The following COL11A1 variants were observed in gnomAD, a reference collection of about 807,000 sequenced individuals.
COL11A1 encodes collagen type XI alpha 1 chain.
In COL11A1, 74 loss-of-function variants were observed where a neutral mutation model predicts 265.2. That is an observed-to-expected ratio of 0.28 (90% CI 0.23 to 0.34). The LOEUF (loss-of-function observed/expected upper bound fraction) is 0.34, where lower values mean the gene tolerates loss of function less well. Ranked by LOEUF, COL11A1 falls within the 10% of genes least tolerant of loss-of-function variation. COL11A1 has a pLI of 1.00. For synonymous variants in COL11A1, 816 were observed against 727.6 expected, an observed-to-expected ratio of 1.12 and a Z score of -1.96; for missense variants, 2,165 against 2,263.6, an observed-to-expected ratio of 0.96 and a Z score of 0.88.
chr1:103,088,053 T>C (rs1195821960), intron 1 of COL11A1, among the ~76,000 whole-genome samples: 1 of 152,182 alleles, frequency 6.6e-6, no homozygotes, highest in African/African-American at 2.4e-5. Flanking sequence ...CTGATCAGTT[T>C]GATCCCAAGT....
At chr1:102,922,489 T>G (rs952260731) in intron 47 of COL11A1, among the ~76,000 whole-genome samples, 1 of 152,110 alleles carries the variant, frequency 6.6e-6, no homozygotes, top group Non-Finnish European at 1.5e-5. Flanking sequence ...CTCCGCCTCC[T>G]GGGTTCACGC....
chr1:102,921,655 A>AAAAACATTTT, intron 47 of COL11A1, 84 bp from the exon 48 acceptor site: 1 of 1,179,876 alleles, frequency 8.5e-7, no homozygotes, highest in Middle Eastern at 2.0e-4. Context: ...AAAAATCTAA[A>AAAAACATTTT]AGAAGTTTAA....
intron 57 of COL11A1, among the ~76,000 whole-genome samples, chr1:102,893,687 A>G (rs188024562): frequency 6.6e-5 from 10 of 152,150 alleles, no homozygotes; most frequent in Non-Finnish European, 1.0e-4. Context: ...TACTTTCTGG[A>G]ATATTTGCTT....
At chr1:103,084,504 G>T (rs1350572066) in intron 1 of COL11A1, among the ~76,000 whole-genome samples, 1 of 149,822 alleles carries the variant, frequency 6.7e-6, no homozygotes, top group Non-Finnish European at 1.5e-5. Context: ...TTAACCAAAA[G>T]TATCCAGCCA....
At chr1:103,060,684 A>G in intron 4 of COL11A1, among the ~76,000 whole-genome samples, 1 of 152,110 alleles carries the variant, frequency 6.6e-6, no homozygotes, top group Admixed American at 6.6e-5. Flanking sequence ...AAACCTAGCC[A>G]GGTGAGGCGG....
intron 4 of COL11A1, among the ~76,000 whole-genome samples, chr1:103,045,244 A>G (rs1402130377): frequency 6.6e-6 from 1 of 152,134 alleles, no homozygotes; most frequent in East Asian, 1.9e-4. Flanking sequence ...TAACTTTACA[A>G]ATGAAATGAA....
At chr1:103,000,306 T>C (rs1021232890) in intron 24 of COL11A1, among the ~76,000 whole-genome samples, 1 of 151,874 alleles carries the variant, frequency 6.6e-6, no homozygotes. Flanking sequence ...ACATAACTAA[T>C]AGGACATTTT....
chr1:103,014,548 T>C lies in COL11A1; in HGVS notation c.1535A>G (p.Gln512Arg), dbSNP rs1192930581. ...DGSKGPTISA[Q>R]EAQAQAILQQ... ...AAGAATAGCTTGAGCCTGAGCTTCC[T>C]GAGCAGAGATGGTTGGTCCTTTGGA... Residue 512 changes from glutamine (Q) to arginine (R), a missense_variant, in exon 13 of 67, where the codon CAG becomes CGG. Coordinates refer to ENST00000370096, the MANE Select transcript of COL11A1 (RefSeq NM_001854.4). 1 of 1,613,692 alleles carries C rather than the reference T, an allele frequency of 6.2e-7. No individual in the cohort carries two copies. The highest frequency in any genetic ancestry group is 2.2e-5 in the East Asian group (1 of 44,856).
intron 31 of COL11A1, among the ~76,000 whole-genome samples, chr1:102,982,019 G>A (rs959592358): frequency 2.0e-5 from 3 of 151,742 alleles, no homozygotes; most frequent in African/African-American, 4.8e-5. Flanking sequence ...GAAAAAATAC[G>A]AAGCTATCTT....
intron 46 of COL11A1, among the ~76,000 whole-genome samples, chr1:102,926,807 C>A (rs1993822): frequency 0.53 from 80,910 of 151,938 alleles, 25,775 homozygotes; most frequent in East Asian, 0.77. Flanking sequence ...TATTAATGTA[C>A]CCATTGACAA....
chr1:103,052,235 G>C (rs1571161670), intron 4 of COL11A1, among the ~76,000 whole-genome samples: 2 of 151,590 alleles, frequency 1.3e-5, no homozygotes, highest in Admixed American at 6.6e-5. Flanking sequence ...TTCTAAACTA[G>C]CTCCTTCACT....
intron 11 of COL11A1, among the ~76,000 whole-genome samples, chr1:103,016,816 T>A (rs962701802): frequency 6.6e-6 from 1 of 152,002 alleles, no homozygotes; most frequent in African/African-American, 2.4e-5. Flanking sequence ...TATAAAGAAA[T>A]AATTTTTTAA....
chr1:102,928,912 C>A (rs1485600725), intron 46 of COL11A1, among the ~76,000 whole-genome samples: 1 of 61,724 alleles, frequency 1.6e-5, no homozygotes, highest in Non-Finnish European at 4.9e-5. Flanking sequence ...AGTGTCTGTT[C>A]ATGTCCTTTG....
At chr1:102,897,564 T>A (rs1457823628) in intron 57 of COL11A1, among the ~76,000 whole-genome samples, 1 of 152,062 alleles carries the variant, frequency 6.6e-6, no homozygotes. Context: ...TATAATAAAC[T>A]CCACCTATGA....
chr1:102,913,152 C>T (rs1330284668), intron 53 of COL11A1, among the ~76,000 whole-genome samples: 1 of 152,078 alleles, frequency 6.6e-6, no homozygotes, highest in Non-Finnish European at 1.5e-5. Context: ...AGTTCCCTCC[C>T]TTACTTTCTC....
intron 13 of COL11A1, among the ~76,000 whole-genome samples, chr1:103,013,520 A>C (rs1666300088): frequency 6.6e-6 from 1 of 151,964 alleles, no homozygotes. Context: ...TTAGATTTGC[A>C]TTATGCCAAA....
chr1:102,955,830 C>A (rs940405872), intron 41 of COL11A1, among the ~76,000 whole-genome samples: 6 of 152,152 alleles, frequency 3.9e-5, no homozygotes, highest in Non-Finnish European at 8.8e-5. Context: ...CACTGCCTTA[C>A]TCTCTTGATG....
chr1:102,929,057 C>T (rs577101219), intron 46 of COL11A1, among the ~76,000 whole-genome samples: 325 of 142,806 alleles, frequency 2.3e-3, no homozygotes, highest in African/African-American at 7.0e-3. Context: ...TTCACTCTGA[C>T]GGTAGTTTAT....
intron 31 of COL11A1, among the ~76,000 whole-genome samples, chr1:102,983,906 C>T (rs1478460828): frequency 6.6e-6 from 1 of 151,956 alleles, no homozygotes; most frequent in Non-Finnish European, 1.5e-5. Context: ...AAAGAATTAC[C>T]GATTATGCCT....
Sources: allele counts gnomAD v4.1 joint callset (sites outside exome capture counted in the v4.1 genomes callset), GRCh38; gene constraint gnomAD v4.1.1; transcripts MANE v1.5; gene names NCBI Gene and HGNC (gene_info 2026-07-23, HGNC 2026-07-21).